The following MAN1C1 variants were observed in gnomAD, a reference collection of about 807,000 sequenced individuals.
MAN1C1 encodes the protein mannosidase alpha class 1C member 1.
In MAN1C1, 49 loss-of-function variants were observed where a neutral mutation model predicts 71.5. The ratio of observed to expected loss-of-function variants is 0.69; its 90% CI spans 0.54 to 0.87. The LOEUF (loss-of-function observed/expected upper bound fraction) is 0.87. MAN1C1 is among the 40% of genes least tolerant of loss of function. The pLI is 0.00. For missense variants in MAN1C1, 743 were observed against 835.0 expected (o/e 0.89, Z 1.36); for synonymous variants, 352 against 343.7 (o/e 1.02, Z -0.27).
chr1:25,729,762 G>A (rs543664154), intron 2 of MAN1C1, among the ~76,000 whole-genome samples: 1 of 151,834 alleles, frequency 6.6e-6, no homozygotes, highest in South Asian at 2.1e-4. Context: ...TGCCCACCTC[G>A]GTCTCCCAAA....
chr1:25,735,420 A>G lies in MAN1C1; in HGVS notation c.638-11248A>G. ...TGTGACAGAGCGAGACTGTGTCTCA[A>G]AATGTGTATGTATGTATGTGTATGT... On this transcript the variant is annotated intron_variant, in intron 2 of 11. Transcript: ENST00000374332. The surrounding 1 kb of genome is among the most constrained non-coding windows in gnomAD (Gnocchi z 4.6). 6.6e-6 allele frequency among the ~76,000 whole-genome samples: 1 copy of G among 152,212 alleles called. No individual in the cohort carries two copies. Among genetic ancestry groups the G allele is most frequent in the Non-Finnish European group, 1.5e-5 (1 of 68,032 alleles).
chr1:25,731,336 GTCA>G (rs61554526), intron 2 of MAN1C1, among the ~76,000 whole-genome samples: 14,568 of 150,554 alleles, frequency 0.097, 1,083 homozygotes, highest in African/African-American at 0.2. Context: ...CATCATCATC[GTCA>G]TCATCATCAT....
At chr1:25,619,071 A>C (rs1290438271) in intron 1 of MAN1C1, among the ~76,000 whole-genome samples, 1 of 152,248 alleles carries the variant, frequency 6.6e-6, no homozygotes, top group Non-Finnish European at 1.5e-5. Context: ...ATTTAGAAGG[A>C]TCACTTTAAG....
chr1:25,768,457 T>C (rs1572208001), intron 7 of MAN1C1, among the ~76,000 whole-genome samples: 4 of 64,094 alleles, frequency 6.2e-5, no homozygotes, highest in Non-Finnish European at 8.8e-5. Context: ...ACATCCACAC[T>C]CCCCTCACAC....
chr1:25,732,609 T>G (rs2046924327), intron 2 of MAN1C1, among the ~76,000 whole-genome samples: 1 of 152,212 alleles, frequency 6.6e-6, no homozygotes, highest in Non-Finnish European at 1.5e-5. Context: ...CAGGATGGTT[T>G]GCAAGGTGGA....
chr1:25,648,059 A>C (rs1362779477), intron 1 of MAN1C1, among the ~76,000 whole-genome samples: 1 of 152,214 alleles, frequency 6.6e-6, no homozygotes, highest in Non-Finnish European at 1.5e-5. Flanking sequence ...CGCTGTGCCC[A>C]AGCTCTGGGA....
Position 25,782,694 on chromosome 1 carries a change from C to T in MAN1C1, c.1760C>T (p.Thr587Ile). 6.2e-7 allele frequency: 1 copy of T among 1,612,912 alleles called. No individual in the cohort carries two copies. The highest frequency in any genetic ancestry group is 8.5e-7 in the Non-Finnish European group (1 of 1,178,906). ...CAGCAGAGCTTCTTTCTAGCGGAGA[C>T]ACTAAAGTGAGCAGTGTGGGCTCTT... The part of the protein sequence containing the change: ...NKQQSFFLAE[T>I]LKYLYLLFSE... Residue 587 changes from threonine (T) to isoleucine (I), a missense_variant, in exon 11 of 12, where the codon ACA (threonine) becomes ATA (isoleucine). Coordinates refer to ENST00000374332, the MANE Select transcript of MAN1C1 (RefSeq NM_020379.4). This position sits in a 1 kb window ranked among gnomAD's most constrained non-coding sequence, Gnocchi z 4.4.
At chr1:25,702,896 T>C (rs112194959) in intron 2 of MAN1C1, among the ~76,000 whole-genome samples, 1 of 152,196 alleles carries the variant, frequency 6.6e-6, no homozygotes. Context: ...GTTGGACAAA[T>C]CACTTTCCTC....
At chr1:25,662,358 G>C (rs1269795624) in intron 1 of MAN1C1, among the ~76,000 whole-genome samples, 1 of 152,164 alleles carries the variant, frequency 6.6e-6, no homozygotes, top group African/African-American at 2.4e-5. Context: ...AGTGAATCCA[G>C]ACTCCTCAGC....
At position 25,782,118 on chromosome 1, in the gene MAN1C1, A is replaced by C. The variant is rs1445273869; in HGVS notation, c.1651-467A>C. Among the ~76,000 whole-genome samples, 1 of 151,320 alleles carries C rather than the reference A, an allele frequency of 6.6e-6. No individual in the cohort carries two copies. Among genetic ancestry groups the C allele is most frequent in the Admixed American group, 6.6e-5 (1 of 15,196 alleles). On this transcript the variant is annotated intron_variant, in intron 10 of 11. Coordinates refer to ENST00000374332, the MANE Select transcript of MAN1C1 (RefSeq NM_020379.4). The surrounding 1 kb of genome is among the most constrained non-coding windows in gnomAD (Gnocchi z 4.4). ...AAAATGCATTTATATAGAAAGATGA[A>C]TGGCTTGGCTCACTTGCCTCCAGCC...
chr1:25,692,074 C>T (rs530976057), intron 2 of MAN1C1, among the ~76,000 whole-genome samples: 29 of 152,314 alleles, frequency 1.9e-4, no homozygotes, highest in Non-Finnish European at 3.5e-4. Context: ...AACCAAGGCT[C>T]AGAGAGGGGA....
At chr1:25,772,758 A>G (rs1176497813) in intron 8 of MAN1C1, among the ~76,000 whole-genome samples, 1 of 151,682 alleles carries the variant, frequency 6.6e-6, no homozygotes, top group Non-Finnish European at 1.5e-5. Flanking sequence ...CCTCTCCTTT[A>G]CCCATCGGGT....
chr1:25,677,723 G>A (rs2046089357), intron 1 of MAN1C1, among the ~76,000 whole-genome samples: 1 of 151,894 alleles, frequency 6.6e-6, no homozygotes, highest in Non-Finnish European at 1.5e-5. Flanking sequence ...GTGGCTTTGA[G>A]AATAGATGAT....
chr1:25,640,198 A>G (rs1476204166), intron 1 of MAN1C1, among the ~76,000 whole-genome samples: 1 of 152,224 alleles, frequency 6.6e-6, no homozygotes, highest in Non-Finnish European at 1.5e-5. Context: ...TTCAATGTGA[A>G]GTAAATATCA....
Position 25,746,647 on chromosome 1 carries a change from C to T in MAN1C1, c.638-21C>T. On this transcript the variant is annotated intron_variant, in intron 2 of 11. Coordinates refer to ENST00000374332, the MANE Select transcript of MAN1C1 (RefSeq NM_020379.4). This position sits in a 1 kb window ranked among gnomAD's most constrained non-coding sequence, Gnocchi z 4.0. ...GAGAAAGATGGCCCTGGGTCACACC[C>T]TCAATGCTCTGTGCCTGCAGGAGGC... 1.9e-6 allele frequency: 3 copies of T among 1,573,668 alleles called. No homozygotes were observed. The highest frequency in any genetic ancestry group is 2.6e-6 in the Non-Finnish European group (3 of 1,144,188).
chr1:25,681,954 T>TA (rs11363752), intron 1 of MAN1C1, among the ~76,000 whole-genome samples: 5,593 of 146,608 alleles, frequency 0.038, 157 homozygotes, highest in Non-Finnish European at 0.057. Context: ...CTATTTGCCT[T>TA]AAAAAAAAAA....
At chr1:25,768,487 C>CCA (rs2047489707) in intron 7 of MAN1C1, among the ~76,000 whole-genome samples, 1 of 123,162 alleles carries the variant, frequency 8.1e-6, no homozygotes, top group Non-Finnish European at 1.7e-5. Context: ...ACACACTCCC[C>CCA]CACACAGACC....
intron 2 of MAN1C1, among the ~76,000 whole-genome samples, chr1:25,729,703 G>T (rs939407230): frequency 6.6e-5 from 10 of 151,884 alleles, no homozygotes; most frequent in Non-Finnish European, 1.0e-4. Flanking sequence ...ATAGAGACAG[G>T]GTGTCACCAT....
At chr1:25,630,418 T>G (rs1474852886) in intron 1 of MAN1C1, among the ~76,000 whole-genome samples, 2 of 152,198 alleles carry the variant, frequency 1.3e-5, no homozygotes, top group Non-Finnish European at 2.9e-5. Context: ...TTTAGGATTA[T>G]TTTTTCTAAT....
Sources: gnomAD v4.1 joint callset for allele counts (sites outside exome capture counted in the v4.1 genomes callset) on GRCh38, gnomAD v4.1.1 for gene constraint, Gnocchi (gnomAD v3.1) non-coding constraint, MANE v1.5 for transcripts, NCBI Gene and HGNC (gene_info 2026-07-23, HGNC 2026-07-21) for gene names.